AARSD1: variants seen among roughly 807,000 people sequenced by gnomAD.
AARSD1 encodes the protein alanyl-tRNA editing protein Aarsd1.
In AARSD1, 44 loss-of-function variants were observed where a neutral mutation model predicts 48.7. The ratio of observed to expected loss-of-function variants is 0.90; its 90% CI spans 0.71 to 1.16. The LOEUF is 1.16. Among genes scored for constraint, AARSD1 ranks in the 50% most tolerant of loss-of-function variants. The pLI is 0.00. For missense variants in AARSD1, 511 were observed against 523.1 expected, an observed-to-expected ratio of 0.98 and a Z score of 0.23; for synonymous variants, 189 against 194.9, an observed-to-expected ratio of 0.97 and a Z score of 0.25.
intron 3 of AARSD1, 178 bp from the exon 4 acceptor site, chr17:42,957,373 C>T: frequency 1.5e-6 from 1 of 655,538 alleles, no homozygotes; most frequent in Non-Finnish European, 2.4e-6. Context: ...CTGCAAGAGG[C>T]CTTATGATAC....
intron 3 of AARSD1, among the ~76,000 whole-genome samples, chr17:42,960,042 G>A (rs991619052): frequency 3.9e-5 from 6 of 152,122 alleles, no homozygotes; most frequent in East Asian, 3.9e-4. Context: ...AAGCCGAGGC[G>A]GGCGGATCAC....
chr17:42,957,337 C>T (rs1246125644), intron 3 of AARSD1, 142 bp from the exon 4 acceptor site: 4 of 997,202 alleles, frequency 4.0e-6, no homozygotes, highest in African/African-American at 3.3e-5. Context: ...ACTTTAGATA[C>T]TTTATTGAAA....
rs762491072 is a variant in AARSD1 at position 42,953,720 on chromosome 17, T to C, written c.1008+4A>G. 5 of 1,614,064 alleles carry C rather than the reference T, an allele frequency of 3.1e-6. No homozygotes were observed. In the South Asian group the frequency reaches 5.5e-5, roughly 18 times the overall value. The stretch of plus-strand genomic sequence containing the variant: ...CGGGGTAGAGAATCTCATGCTCCTC[T>C]TACCTCTGACCCAATCTCATTGGCA... On this transcript the variant is annotated splice_donor_region_variant and intron_variant, in intron 10 of 11. Transcript: ENST00000427569.
rs2049554722 is a variant in AARSD1 at position 42,956,509 on chromosome 17, A to G, written c.441T>C (p.Thr147=). 2 of 1,613,856 alleles carry G rather than the reference A, an allele frequency of 1.2e-6. No homozygotes were observed. The highest frequency in any genetic ancestry group is 2.7e-5 in the African/African-American group (2 of 74,860). Reference sequence around the variant, plus strand: ...GCTCAATGGCAGCTACTTGCTCTGCAGTCATAGAGGGGGTGTCCAGCTCAA... The same window carrying G: ...GCTCAATGGCAGCTACTTGCTCTGCGGTCATAGAGGGGGTGTCCAGCTCAA... The part of the protein sequence containing the change: ...SAIELDTPSM[T]AEQVAAIEQS... Residue 147 remains threonine, a synonymous_variant, in exon 5 of 12, where the codon ACT becomes ACC. Coordinates refer to ENST00000427569, the MANE Select transcript of AARSD1 (RefSeq NM_001261434.2).
In AARSD1 at chr17:42,956,439, G is replaced by C; in HGVS notation, c.511C>G (p.Arg171Gly). ...KIRDRLPVNVRELSLDDPEVE... is the reference protein window; with the variant it reads ...KIRDRLPVNVGELSLDDPEVE... ...TCAGGATCATCCAGGCTCAGTTCTCGGACATTCACAGGCAGCCGATCTCTG... is the reference window on the plus strand; with the variant it reads ...TCAGGATCATCCAGGCTCAGTTCTCCGACATTCACAGGCAGCCGATCTCTG... The change falls in exon 5 of 12, where the codon CGA becomes GGA. Residue 171 changes from arginine to glycine, a missense_variant. Arg to Gly is a moderately radical substitution (Grantham distance 125). Transcript: ENST00000427569. The C allele has an allele frequency of 6.2e-7, 1 of 1,613,980 alleles. No individual in the cohort carries two copies. The highest frequency in any genetic ancestry group is 8.5e-7 in the Non-Finnish European group (1 of 1,180,018).
rs1487900274 is a variant in AARSD1, at chr17:42,964,205, C to T, written c.72G>A (p.Ala24=). The part of the protein sequence containing the change: ...FTTTVVSCCP[A]ELQTEGSNGK... ...CGTTGCTCCCTTCAGTCTGCAGCTC[C>T]GCGGGACAGCAGGAGACCACGGTGG... is the stretch of plus-strand genomic sequence containing the variant. The change falls in exon 2 of 12, where the codon GCG becomes GCA. Residue 24 remains alanine, a synonymous_variant. Coordinates refer to ENST00000427569, the MANE Select transcript of AARSD1 (RefSeq NM_001261434.2). The T allele has an allele frequency of 3.1e-6, 5 of 1,614,098 alleles. No homozygotes were observed. In the African/African-American group the frequency reaches 6.7e-5, roughly 22 times the overall value.
At chr17:42,963,785 G>C (rs1006079331) in intron 2 of AARSD1, among the ~76,000 whole-genome samples, 2 of 151,780 alleles carry the variant, frequency 1.3e-5, no homozygotes, top group Non-Finnish European at 2.9e-5. Context: ...ATCTAGACAA[G>C]CATCCCATCA....
rs1404325054 is a variant in AARSD1, at chr17:42,956,325, A to G, written c.547-5T>C. ...AGGCAAACCCCGGCCACTCACCTGG[A>G]CTCAAGGAGAGGGGAGGGACTGTCT... is the stretch of plus-strand genomic sequence containing the variant. On this transcript the variant is annotated splice_polypyrimidine_tract_variant and splice_region_variant and intron_variant, in intron 5 of 11. Coordinates refer to ENST00000427569, the MANE Select transcript of AARSD1 (RefSeq NM_001261434.2). The G allele has an allele frequency of 6.2e-7, 1 of 1,613,982 alleles. No individual in the cohort carries two copies. Among genetic ancestry groups the G allele is most frequent in the African/African-American group, 1.3e-5 (1 of 74,896 alleles).
At chr17:42,963,127 G>A (rs1332003130) in intron 2 of AARSD1, among the ~76,000 whole-genome samples, 5 of 150,138 alleles carry the variant, frequency 3.3e-5, no homozygotes, top group African/African-American at 1.2e-4. Flanking sequence ...TGTCCCCCAC[G>A]CTGAAGTGCA....
At chr17:42,961,829 C>T (rs1030937988) in intron 2 of AARSD1, among the ~76,000 whole-genome samples, 7 of 152,066 alleles carry the variant, frequency 4.6e-5, no homozygotes, top group African/African-American at 1.4e-4. Context: ...TCAGACTGGA[C>T]AACACAGTGA....
At chr17:42,953,846 C>G in intron 9 of AARSD1, 68 bp from the exon 10 acceptor site, 1 of 1,603,736 alleles carries the variant, frequency 6.2e-7, no homozygotes, top group South Asian at 1.1e-5. Flanking sequence ...GGAAGCCTGG[C>G]CCCTCCTTCT....
chr17:42,950,866 A>C, intron 11 of AARSD1, 138 bp from the exon 12 acceptor site: 4 of 1,379,820 alleles, frequency 2.9e-6, no homozygotes, highest in Non-Finnish European at 9.5e-7. Context: ...TCTTGAAAAC[A>C]CTTGCACATA....
intron 3 of AARSD1, 32 bp from the exon 4 acceptor site, chr17:42,957,227 G>A (rs1475145193): frequency 5.6e-6 from 9 of 1,612,436 alleles, no homozygotes; most frequent in Non-Finnish European, 6.8e-6. Flanking sequence ...CAGGAGAAAA[G>A]TGAGAAGCCT....
At chr17:42,955,810 G>A in intron 7 of AARSD1, 32 bp downstream of exon 7, 27 of 1,612,970 alleles carry the variant, frequency 1.7e-5, no homozygotes, top group Non-Finnish European at 2.3e-5. Flanking sequence ...CTCAGAAATG[G>A]GAGGTAATCG....
At chr17:42,956,633 AACTGGAACAAGCAT>A (rs2049557209) in intron 4 of AARSD1, 73 bp from the exon 5 acceptor site, 1 of 1,287,588 alleles carries the variant, frequency 7.8e-7, no homozygotes, top group Non-Finnish European at 1.0e-6. Flanking sequence ...TTCCTCTAAA[AACTGGAACAAGCAT>A]ACCCTCTCAC....
At chr17:42,963,634 G>A (rs570307144) in intron 2 of AARSD1, among the ~76,000 whole-genome samples, 14 of 151,908 alleles carry the variant, frequency 9.2e-5, no homozygotes, top group African/African-American at 3.4e-4. Context: ...CCTAAAACCC[G>A]AAGCTAATTC....
chr17:42,963,842 G>GCA (rs1346328264), intron 2 of AARSD1, among the ~76,000 whole-genome samples: 1 of 152,022 alleles, frequency 6.6e-6, no homozygotes, highest in Non-Finnish European at 1.5e-5. Context: ...ATTATACCTA[G>GCA]CACACACAGT....
Position 42,955,861 on chromosome 17 carries a change from C to T in AARSD1, c.775G>A (p.Ala259Thr). ...WMERSHGTEK[A>T]LTALLKCGAE... Reference sequence around the variant, plus strand: ...GCATACTTAAGCAGAGCAGTCAGTGCTTTTTCAGTTCCATGACTTCTCTCC... The same window carrying T: ...GCATACTTAAGCAGAGCAGTCAGTGTTTTTTCAGTTCCATGACTTCTCTCC... Residue 259 changes from alanine (A) to threonine (T), a missense_variant, in exon 7 of 12, where the codon GCA becomes ACA. Coordinates refer to ENST00000427569, the MANE Select transcript of AARSD1 (RefSeq NM_001261434.2). 1 of 1,614,144 alleles carries T rather than the reference C, an allele frequency of 6.2e-7. No homozygotes were observed. The highest frequency in any genetic ancestry group is 1.1e-5 in the South Asian group (1 of 91,084).
intron 3 of AARSD1, among the ~76,000 whole-genome samples, chr17:42,959,813 A>G (rs2049608221): frequency 6.6e-6 from 1 of 151,532 alleles, no homozygotes; most frequent in Non-Finnish European, 1.5e-5. Context: ...ACAGGCGCGC[A>G]TCACCATGCC....
Sources: allele counts gnomAD v4.1 joint callset (sites outside exome capture counted in the v4.1 genomes callset), GRCh38; gene constraint gnomAD v4.1.1; transcripts MANE v1.5; gene names NCBI Gene and HGNC (gene_info 2026-07-23, HGNC 2026-07-21).